The following FOXJ3 variants were observed in gnomAD, a reference collection of about 807,000 sequenced individuals.
The protein encoded by FOXJ3 is forkhead box J3, also known as forkhead box protein J3.
FOXJ3 carries 22 observed loss-of-function variants against 76.1 expected under a neutral mutation model. That is an observed-to-expected ratio of 0.29 (90% CI 0.21 to 0.41). FOXJ3 has a LOEUF of 0.41. Ranked by LOEUF, FOXJ3 falls within the 10% of genes least tolerant of loss-of-function variation. The pLI, the probability that FOXJ3 is intolerant of heterozygous loss-of-function variation, is 1.00. For synonymous variants in FOXJ3, 269 were observed against 261.2 expected (o/e 1.03, Z -0.29); for missense variants, 613 against 762.1 (o/e 0.80, Z 2.30).
intron 4 of FOXJ3, among the ~76,000 whole-genome samples, chr1:42,252,999 A>G (rs1326176129): frequency 1.3e-5 from 2 of 151,464 alleles, no homozygotes; most frequent in African/African-American, 2.4e-5. Flanking sequence ...AGGGTATTCA[A>G]TTAGGAAAAG....
intron 3 of FOXJ3, among the ~76,000 whole-genome samples, chr1:42,275,398 T>C (rs1652185077): frequency 6.6e-6 from 1 of 152,142 alleles, no homozygotes; most frequent in Non-Finnish European, 1.5e-5. Flanking sequence ...AATATGAATA[T>C]AACATGTGCA....
intron 8 of FOXJ3, among the ~76,000 whole-genome samples, chr1:42,194,217 C>T (rs1646606670): frequency 6.6e-6 from 1 of 152,218 alleles, no homozygotes; most frequent in African/African-American, 2.4e-5. Context: ...CCAACAATTT[C>T]TGACAATTCA....
Position 42,191,336 on chromosome 1 carries a change from G to T in FOXJ3, c.1318C>A (p.Pro440Thr). Residue 440 changes from proline to threonine, a missense_variant, in exon 9 of 13, where the codon CCC becomes ACC. Coordinates refer to ENST00000361346, the MANE Select transcript of FOXJ3 (RefSeq NM_014947.5). ...CAGGATACCTGTTGTGGGGGTGGGG[G>T]TGCCTGATGTGTTAACGTCTGATGC... Reference protein sequence around the residue: ...HQHQTLTHQAPPPPQQVSCNS... With the variant: ...HQHQTLTHQATPPPQQVSCNS... 6.4e-7 allele frequency: 1 copy of T among 1,556,930 alleles called. No individual in the cohort carries two copies.
intron 2 of FOXJ3, among the ~76,000 whole-genome samples, chr1:42,299,546 T>C (rs1654002088): frequency 1.3e-5 from 2 of 151,866 alleles, no homozygotes; most frequent in Non-Finnish European, 1.5e-5. Flanking sequence ...GGGTCTTTTT[T>C]TTTTTTTTTT....
At chr1:42,202,411 TA>T (rs10711887) in intron 6 of FOXJ3, among the ~76,000 whole-genome samples, 45,310 of 148,508 alleles carry the variant, frequency 0.31, 7,466 homozygotes, top group African/African-American at 0.46. Context: ...TTGTTTACTG[TA>T]AAAAAAAAAA....
intron 5 of FOXJ3, among the ~76,000 whole-genome samples, chr1:42,215,531 A>G (rs1308494503): frequency 6.6e-6 from 1 of 152,182 alleles, no homozygotes; most frequent in East Asian, 1.9e-4. Flanking sequence ...AAGAGAGAAA[A>G]GGGCAGAAAA....
chr1:42,327,621 A>T (rs768128709), intron 1 of FOXJ3, among the ~76,000 whole-genome samples: 3 of 152,076 alleles, frequency 2.0e-5, no homozygotes, highest in African/African-American at 4.8e-5. Context: ...TCCTCTCACA[A>T]ATCTGTTTCA....
At chr1:42,334,731 A>G (rs1656367980) in intron 1 of FOXJ3, among the ~76,000 whole-genome samples, 2 of 152,016 alleles carry the variant, frequency 1.3e-5, no homozygotes, top group African/African-American at 4.8e-5. Context: ...CTGCCCTCGG[A>G]CTAGGCGCCC....
rs779558277 is a variant in FOXJ3, at chr1:42,311,073, A to C, written c.21T>G (p.Ala7=). The C allele has an allele frequency of 2.5e-6, 4 of 1,599,108 alleles. No homozygotes were observed. The highest frequency in any genetic ancestry group is 1.8e-5 in the Admixed American group (1 of 56,772). The change falls in exon 2 of 13, where the codon GCT becomes GCG. Residue 7 remains alanine, a synonymous_variant. Coordinates refer to ENST00000361346, the MANE Select transcript of FOXJ3 (RefSeq NM_014947.5). MGLYGQ[A]CPSVTSLRMT... is the part of the protein sequence containing the mutation. ...ACCTTAATGAAGTTACAGATGGACA[A>C]GCCTGTCCATACAAACCCATCTGGC...
chr1:42,298,814 G>C (rs898283164), intron 2 of FOXJ3, among the ~76,000 whole-genome samples: 2 of 152,122 alleles, frequency 1.3e-5, no homozygotes, highest in African/African-American at 4.8e-5. Flanking sequence ...TGTCTTTGCT[G>C]TATCCCAGAG....
At chr1:42,314,500 G>A (rs540084648) in intron 1 of FOXJ3, among the ~76,000 whole-genome samples, 1 of 152,114 alleles carries the variant, frequency 6.6e-6, no homozygotes, top group Non-Finnish European at 1.5e-5. Flanking sequence ...CACCTGCCTC[G>A]GTTAGGATCC....
chr1:42,248,050 A>C (rs1437769190), intron 4 of FOXJ3, among the ~76,000 whole-genome samples: 1 of 152,226 alleles, frequency 6.6e-6, no homozygotes, highest in Non-Finnish European at 1.5e-5. Context: ...TAACATGTCC[A>C]GAATAGGCAA....
chr1:42,327,083 A>C (rs753924337), intron 1 of FOXJ3, among the ~76,000 whole-genome samples: 4 of 152,222 alleles, frequency 2.6e-5, no homozygotes, highest in Non-Finnish European at 5.9e-5. Context: ...ATCAGATAAA[A>C]CACTTTTGAA....
chr1:42,245,083 G>C (rs915831681), intron 4 of FOXJ3, among the ~76,000 whole-genome samples: 3 of 151,132 alleles, frequency 2.0e-5, no homozygotes, highest in African/African-American at 7.3e-5. Context: ...AGAAGGTTGA[G>C]GCAGGAGAAT....
At chr1:42,266,460 G>A (rs1487686211) in intron 3 of FOXJ3, among the ~76,000 whole-genome samples, 9 of 152,134 alleles carry the variant, frequency 5.9e-5, no homozygotes, top group Non-Finnish European at 1.2e-4. Context: ...GCTATTCAAT[G>A]AGAAACTGGA....
chr1:42,301,793 T>C (rs1301573373), intron 2 of FOXJ3, among the ~76,000 whole-genome samples: 3 of 152,228 alleles, frequency 2.0e-5, no homozygotes, highest in Non-Finnish European at 4.4e-5. Context: ...CTGAATTCTT[T>C]ATCTTGTATT....
At chr1:42,191,828 G>A (rs781574447) in intron 8 of FOXJ3, 109 bp from the exon 9 acceptor site, 10 of 1,155,960 alleles carry the variant, frequency 8.7e-6, no homozygotes, top group East Asian at 2.5e-5. Flanking sequence ...AAGCAACACT[G>A]GTTCAATTTA....
At chr1:42,208,791 T>C (rs1488110932) in intron 5 of FOXJ3, among the ~76,000 whole-genome samples, 1 of 152,332 alleles carries the variant, frequency 6.6e-6, no homozygotes, top group East Asian at 1.9e-4. Context: ...AAGTCAAAAA[T>C]GCACTTAATG....
chr1:42,205,587 C>T (rs975951257), intron 6 of FOXJ3, among the ~76,000 whole-genome samples, 175 bp downstream of exon 6: 1 of 152,136 alleles, frequency 6.6e-6, no homozygotes, highest in Non-Finnish European at 1.5e-5. Context: ...ATATTTTGTT[C>T]TAATTTGTGC....
Sources: allele counts gnomAD v4.1 joint callset (sites outside exome capture counted in the v4.1 genomes callset), GRCh38; gene constraint gnomAD v4.1.1; transcripts MANE v1.5; gene names NCBI Gene and HGNC (gene_info 2026-07-23, HGNC 2026-07-21).